CDCA8: variants seen among roughly 807,000 people sequenced by gnomAD.
CDCA8 encodes borealin.
A neutral mutation model predicts 40.0 loss-of-function variants in CDCA8; 25 were observed. That is an observed-to-expected ratio of 0.63 (90% CI 0.46 to 0.87). The LOEUF (loss-of-function observed/expected upper bound fraction) is 0.87. Ranked by LOEUF, CDCA8 falls within the 40% of genes least tolerant of loss-of-function variation. The pLI, the probability that CDCA8 is intolerant of heterozygous loss-of-function variation, is 0.00. For synonymous variants in CDCA8, 111 were observed against 126.5 expected (o/e 0.88, Z 0.82); for missense variants, 280 against 348.4 (o/e 0.80, Z 1.56).
intron 9 of CDCA8, 34 bp from the exon 10 acceptor site, chr1:37,708,288 T>C (rs1484316529): frequency 6.2e-7 from 1 of 1,607,752 alleles, no homozygotes; most frequent in African/African-American, 1.3e-5. Flanking sequence ...CCAAGTGACA[T>C]CTTCTACAAT....
At chr1:37,694,473 C>A (rs1645513507) in intron 2 of CDCA8, among the ~76,000 whole-genome samples, 1 of 152,154 alleles carries the variant, frequency 6.6e-6, no homozygotes, top group Admixed American at 6.5e-5. Context: ...ATTGTCTCTG[C>A]CTTCAGGAAC....
Position 37,692,651 on chromosome 1 carries a change from G to T in CDCA8, c.-40G>T, listed in dbSNP as rs775110691. Reference sequence around the variant, plus strand: ...TCCCTACCCAGTTTCTTGCTTCCCTGCCCCATCTCCGCCGCTCCCCGCAGC... The same window carrying T: ...TCCCTACCCAGTTTCTTGCTTCCCTTCCCCATCTCCGCCGCTCCCCGCAGC... On this transcript the variant is annotated 5_prime_UTR_variant, in exon 1 of 10. Transcript: ENST00000373055. The T allele has an allele frequency of 1.3e-6, 2 of 1,536,562 alleles. No homozygotes were observed. Among genetic ancestry groups the T allele is most frequent in the Admixed American group, 3.5e-5 (2 of 57,910 alleles).
Position 37,692,872 on chromosome 1 carries a change from G to C in CDCA8, c.95-33G>C, listed in dbSNP as rs373643046. 30 of 1,613,372 alleles carry C rather than the reference G, an allele frequency of 1.9e-5. No homozygotes were observed. In the African/African-American group the frequency reaches 4.0e-4, roughly 22 times the overall value. On this transcript the variant is annotated intron_variant, in intron 1 of 9. Coordinates refer to ENST00000373055, the MANE Select transcript of CDCA8 (RefSeq NM_001256875.2). ...GAGCTGCACAGATTCGCCCGCCCGT[G>C]ACCCGTGTCCTGTCGGCTCTGCCCT...
chr1:37,708,707 C>T lies in CDCA8; in HGVS notation c.*341C>T, dbSNP rs41303419. ...CCTGCCCTGCCTGCAGTTGAGGGGG[C>T]GAAGAAGAACCCTGTGTTCTCAGGA... is the stretch of plus-strand genomic sequence containing the variant. On this transcript the variant is annotated 3_prime_UTR_variant, in exon 10 of 10. Coordinates refer to ENST00000373055, the MANE Select transcript of CDCA8 (RefSeq NM_001256875.2). 0.031 allele frequency: 10,166 copies of T among 331,478 alleles called. 220 individuals carry two copies. The highest frequency in any genetic ancestry group is 0.041 in the Non-Finnish European group (7,134 of 172,878). The allele number at this position is 331,478 out of a possible 1,614,324, so 20.5% of individuals were successfully genotyped here. A position where few individuals can be genotyped will look rare whatever the true frequency, so the allele number is the denominator to read the frequency against.
intron 2 of CDCA8, among the ~76,000 whole-genome samples, chr1:37,693,465 C>G (rs1645494149): frequency 6.6e-6 from 1 of 152,164 alleles, no homozygotes; most frequent in African/African-American, 2.4e-5. Flanking sequence ...GTGGTGCGAT[C>G]CCTGCTCACT....
At chr1:37,700,834 A>G (rs1490646048) in intron 5 of CDCA8, among the ~76,000 whole-genome samples, 2 of 152,222 alleles carry the variant, frequency 1.3e-5, no homozygotes, top group African/African-American at 4.8e-5. Context: ...GAAGATGAGG[A>G]AACCAGTTAG....
intron 6 of CDCA8, 79 bp from the exon 7 acceptor site, chr1:37,703,173 T>A: frequency 9.3e-7 from 1 of 1,077,558 alleles, no homozygotes; most frequent in South Asian, 1.2e-5. Flanking sequence ...CACAGTCAGC[T>A]CTCCACGTGT....
chr1:37,696,062 G>A lies in CDCA8; in HGVS notation c.264+112G>A, dbSNP rs914199401. 7 of 911,128 alleles carry A rather than the reference G, an allele frequency of 7.7e-6. No homozygotes were observed. In the Admixed American group the frequency reaches 1.3e-4, roughly 17 times the overall value. 56.4% of individuals were successfully genotyped at this position (911,128 alleles called of 1,614,324 possible). On this transcript the variant is annotated intron_variant, in intron 3 of 9. Transcript: ENST00000373055. The surrounding 1 kb of genome is among the most constrained non-coding windows in gnomAD (Gnocchi z 5.0). The stretch of plus-strand genomic sequence containing the variant: ...GAGGTTTCATAAAGGGACATCATCT[G>A]TTTGTGTCAACTGAAAAATTAGAGT...
intron 5 of CDCA8, 31 bp from the exon 6 acceptor site, chr1:37,701,723 T>C (rs761160401): frequency 1.3e-6 from 2 of 1,543,738 alleles, no homozygotes; most frequent in Admixed American, 3.7e-5. Flanking sequence ...GGGTTTTTTG[T>C]AACCTTAGTC....
rs200452767 is a variant in CDCA8, at chr1:37,696,060, CTGTT to C, written c.264+114_264+117del. On this transcript the variant is annotated intron_variant, in intron 3 of 9. Transcript: ENST00000373055. The surrounding 1 kb of genome is among the most constrained non-coding windows in gnomAD (Gnocchi z 5.0). ...AAGAGGTTTCATAAAGGGACATCAT[CTGTT>C]TGTGTCAACTGAAAAATTAGAGTTG... 4.4e-3 allele frequency: 4,072 copies of C among 925,704 alleles called. 80 individuals carry two copies. In the African/African-American group the frequency reaches 0.053, roughly 12 times the overall value. 57.3% of individuals were successfully genotyped at this position (925,704 alleles called of 1,614,324 possible). A position where few individuals can be genotyped will look rare whatever the true frequency, so the allele number is the denominator to read the frequency against.
rs564358134 is a variant in CDCA8, at chr1:37,709,505, A to T, written c.*1139A>T. 1.3e-5 allele frequency: 2 copies of T among 152,016 alleles called. No homozygotes were observed. Among genetic ancestry groups the T allele is most frequent in the South Asian group, 2.1e-4 (1 of 4,766 alleles). 9.4% of individuals were successfully genotyped at this position (152,016 alleles called of 1,614,324 possible). A position where few individuals can be genotyped will look rare whatever the true frequency, so the allele number is the denominator to read the frequency against. On this transcript the variant is annotated 3_prime_UTR_variant, in exon 10 of 10. Coordinates refer to ENST00000373055, the MANE Select transcript of CDCA8 (RefSeq NM_001256875.2). ...AGGCTTGAAGGCACATGGCTTTCTC[A>T]TGTAGGGCTCTCTGTGGTATTTGTT...
chr1:37,709,387 C>G lies in CDCA8; in HGVS notation c.*1021C>G, dbSNP rs1645624305. On this transcript the variant is annotated 3_prime_UTR_variant, in exon 10 of 10. Coordinates refer to ENST00000373055, the MANE Select transcript of CDCA8 (RefSeq NM_001256875.2). ...GGGCATGGACTTTGTTAAGCAGAGT[C>G]AGCAGTGAGGTCCTCATTCTCCAGC... is the stretch of plus-strand genomic sequence containing the variant. The G allele has an allele frequency of 6.6e-6, 1 of 152,164 alleles. No homozygotes were observed. The highest frequency in any genetic ancestry group is 1.5e-5 in the Non-Finnish European group (1 of 68,040). The allele number at this position is 152,164 out of a possible 1,614,324, so 9.4% of individuals were successfully genotyped here.
intron 2 of CDCA8, among the ~76,000 whole-genome samples, chr1:37,693,875 C>T (rs1400543867): frequency 1.3e-5 from 2 of 151,874 alleles, no homozygotes; most frequent in Non-Finnish European, 2.9e-5. Context: ...TGGTGGCTCA[C>T]GCCTGTAATC....
rs1645616090 is a variant in CDCA8, at chr1:37,708,244, C to T, written c.799-78C>T. On this transcript the variant is annotated intron_variant, in intron 9 of 9. Coordinates refer to ENST00000373055, the MANE Select transcript of CDCA8 (RefSeq NM_001256875.2). ...GATACAGATAGAGAATGGAGGGGCT[C>T]AGGCTGACTGTGGGAGGCCAAGGGG... 7.1e-6 allele frequency: 9 copies of T among 1,266,742 alleles called. No homozygotes were observed. In the South Asian group the frequency reaches 1.1e-4, roughly 15 times the overall value. The allele number at this position is 1,266,742 out of a possible 1,614,324, so 78.5% of individuals were successfully genotyped here. A position where few individuals can be genotyped will look rare whatever the true frequency, so the allele number is the denominator to read the frequency against.
At position 37,700,477 on chromosome 1, in the gene CDCA8, G is replaced by T; in HGVS notation, c.379G>T (p.Glu127Ter). Residue 127 changes from glutamate (E) to a stop codon, truncating the protein, a stop_gained, in exon 5 of 10, where the codon GAA becomes TAA. Transcript: ENST00000373055. LOFTEE classifies it high-confidence loss of function. ...IQVDEMIVEE[E>*]EEEENERKNL... ...GGTAGATGAAATGATAGTGGAAGAG[G>T]AAGAAGAAGAAGAAAATGAACGTAA... 6.3e-7 allele frequency: 1 copy of T among 1,591,710 alleles called. No homozygotes were observed. Among genetic ancestry groups the T allele is most frequent in the South Asian group, 1.1e-5 (1 of 90,296 alleles).
At chr1:37,706,637 A>G (rs1645603800) in intron 8 of CDCA8, among the ~76,000 whole-genome samples, 1 of 152,192 alleles carries the variant, frequency 6.6e-6, no homozygotes, top group African/African-American at 2.4e-5. Flanking sequence ...GCTTTGTATA[A>G]CTTAAGGGAT....
chr1:37,706,299 T>C (rs776726359), intron 8 of CDCA8, among the ~76,000 whole-genome samples: 15 of 151,730 alleles, frequency 9.9e-5, no homozygotes, highest in Middle Eastern at 3.4e-3. Flanking sequence ...GTAGAGATGG[T>C]GTTTCACCAT....
chr1:37,707,064 C>T lies in CDCA8; in HGVS notation c.798C>T (p.Ser266=), dbSNP rs45487395. Residue 266 remains serine, a splice_region_variant and synonymous_variant, in exon 9 of 10, where the codon TCC becomes TCT. Coordinates refer to ENST00000373055, the MANE Select transcript of CDCA8 (RefSeq NM_001256875.2). ...CCTTGGGAAACATTAAGAAGCTCTCCGTAAGTCTCATATTCATCTCCACAC... is the reference window on the plus strand; with the variant it reads ...CCTTGGGAAACATTAAGAAGCTCTCTGTAAGTCTCATATTCATCTCCACAC... ...PEALGNIKKL[S]NRLAQICSSI... 1.9e-3 allele frequency: 3,008 copies of T among 1,612,504 alleles called. 7 individuals carry two copies. The highest frequency in any genetic ancestry group is 2.2e-3 in the Non-Finnish European group (2,559 of 1,178,518).
intron 2 of CDCA8, 43 bp downstream of exon 2, chr1:37,693,076 T>C (rs780601986): frequency 1.2e-6 from 2 of 1,602,590 alleles, no homozygotes; most frequent in Non-Finnish European, 1.7e-6. Context: ...CAGGAGCCCC[T>C]TGGGGTTAGG....
Sources: allele counts gnomAD v4.1 joint callset (sites outside exome capture counted in the v4.1 genomes callset), GRCh38; gene constraint gnomAD v4.1.1; non-coding constraint Gnocchi (gnomAD v3.1); transcripts MANE v1.5; gene names NCBI Gene and HGNC (gene_info 2026-07-23, HGNC 2026-07-21).